The following APC variants were observed in gnomAD, a reference collection of about 807,000 sequenced individuals.
APC encodes the protein APC regulator of Wnt signaling pathway.
APC carries 72 observed loss-of-function variants against 247.0 expected under a neutral mutation model. The observed-to-expected ratio is 0.29, with a 90% CI of 0.24 to 0.35. The LOEUF (loss-of-function observed/expected upper bound fraction) is 0.35. Among genes scored for constraint, APC ranks in the 10% least tolerant of loss-of-function variants. The pLI is 1.00. For synonymous variants in APC, 1,254 were observed against 1,162.5 expected (o/e 1.08, Z -1.60); for missense variants, 3,400 against 3,360.7 (o/e 1.01, Z -0.29).
chr5:112,786,765 C>T (rs1394987732), intron 6 of APC, among the ~76,000 whole-genome samples: 2 of 152,052 alleles, frequency 1.3e-5, no homozygotes, highest in Non-Finnish European at 2.9e-5. Flanking sequence ...AACAAACATG[C>T]AAGAGTTTCT....
chr5:112,790,883 A>G (rs1759504133), intron 6 of APC, among the ~76,000 whole-genome samples: 1 of 152,214 alleles, frequency 6.6e-6, no homozygotes, highest in African/African-American at 2.4e-5. Context: ...ATGTTTGGAA[A>G]TACTCCATCT....
chr5:112,805,684 T>A (rs1219703912), intron 8 of APC, among the ~76,000 whole-genome samples: 3 of 152,178 alleles, frequency 2.0e-5, no homozygotes, highest in Non-Finnish European at 2.9e-5. Flanking sequence ...TCTTGGGGTT[T>A]ATTAGTTTGT....
intron 5 of APC, 66 bp from the exon 6 acceptor site, chr5:112,780,724 T>A: frequency 2.6e-6 from 3 of 1,141,442 alleles, no homozygotes; most frequent in Non-Finnish European, 3.9e-6. Flanking sequence ...TCTTATATGC[T>A]TTTTTGCTTT....
rs1253464661 is a variant in APC at position 112,766,412 on chromosome 5, TA to T, written c.220+3del. On this transcript the variant is annotated splice_donor_region_variant and intron_variant, in intron 3 of 15. Coordinates refer to ENST00000257430, the MANE Select transcript of APC (RefSeq NM_000038.6). ...TTGATTTATTAGAGCGTCTTAAAGG[TA>T]GATTTTAAAAAGGTGTTTTAAAATA... is the stretch of plus-strand genomic sequence containing the variant. 1 of 1,603,200 alleles carries T rather than the reference TA, an allele frequency of 6.2e-7. No homozygotes were observed. Among genetic ancestry groups the T allele is most frequent in the African/African-American group, 1.3e-5 (1 of 74,664 alleles).
intron 7 of APC, among the ~76,000 whole-genome samples, chr5:112,800,454 A>G (rs1272481697): frequency 1.3e-5 from 2 of 152,198 alleles, no homozygotes; most frequent in African/African-American, 4.8e-5. Flanking sequence ...CATTTTTTAA[A>G]TGATCTAGGA....
At chr5:112,836,861 C>T (rs998590643) in intron 15 of APC, among the ~76,000 whole-genome samples, 3 of 151,670 alleles carry the variant, frequency 2.0e-5, no homozygotes, top group Non-Finnish European at 2.9e-5. Context: ...CTACCATGCC[C>T]GGCTAATTTT....
chr5:112,774,310 T>C (rs1162547804), intron 4 of APC, among the ~76,000 whole-genome samples: 1 of 152,106 alleles, frequency 6.6e-6, no homozygotes, highest in Non-Finnish European at 1.5e-5. Flanking sequence ...AGTAACATGA[T>C]GCTCAAAGGA....
At chr5:112,831,821 T>G (rs1053353707) in intron 14 of APC, among the ~76,000 whole-genome samples, 2 of 152,352 alleles carry the variant, frequency 1.3e-5, no homozygotes, top group South Asian at 4.1e-4. Flanking sequence ...TTTCTGTGGC[T>G]TCTATTACAG....
At chr5:112,756,356 C>CTA (rs1754985851) in intron 2 of APC, among the ~76,000 whole-genome samples, 1 of 151,348 alleles carries the variant, frequency 6.6e-6, no homozygotes, top group African/African-American at 2.5e-5. Flanking sequence ...ATAAGGTAGA[C>CTA]TATAAACAAA....
At chr5:112,722,932 G>A (rs925442837) in intron 1 of APC, among the ~76,000 whole-genome samples, 7 of 152,048 alleles carry the variant, frequency 4.6e-5, no homozygotes, top group East Asian at 1.9e-4. Flanking sequence ...CAAAAAGTGC[G>A]TGATCTAAGC....
At chr5:112,735,177 G>GA (rs1288626180), upstream of APC, among the ~76,000 whole-genome samples, 1 of 151,674 alleles carries the variant, frequency 6.6e-6, no homozygotes, top group African/African-American at 2.4e-5. Context: ...ATTTTGATCA[G>GA]AAAAAATATA....
intron 1 of APC, among the ~76,000 whole-genome samples, chr5:112,752,286 G>A (rs1275729835): frequency 2.6e-5 from 4 of 152,150 alleles, no homozygotes; most frequent in African/African-American, 9.6e-5. Flanking sequence ...TAAAAAAGAA[G>A]TGATCTCAAA....
In APC at chr5:112,843,796, A is replaced by C; in HGVS notation, c.8202A>C (p.Lys2734Asn). The C allele has an allele frequency of 1.2e-6, 2 of 1,614,106 alleles. No homozygotes were observed. Among genetic ancestry groups the C allele is most frequent in the Non-Finnish European group, 1.7e-6 (2 of 1,179,954 alleles). ...SFIQVDAPDQ[K>N]GTEIKPGQNN... ...TTCAGGTGGATGCCCCTGACCAAAA[A>C]GGAACTGAGATAAAACCAGGACAAA... The change falls in exon 16 of 16, where the codon AAA (lysine) becomes AAC (asparagine). Residue 2734 changes from lysine (K) to asparagine (N), a missense_variant. Transcript: ENST00000257430. The surrounding 1 kb of genome is among the most constrained non-coding windows in gnomAD (Gnocchi z 4.8).
At position 112,801,338 on chromosome 5, in the gene APC, T is replaced by A. The variant is rs767053295; in HGVS notation, c.789T>A (p.Gly263=). The change falls in exon 8 of 16, where the codon GGT becomes GGA. Residue 263 remains glycine (G), a synonymous_variant. Coordinates refer to ENST00000257430, the MANE Select transcript of APC (RefSeq NM_000038.6). ...GSHDAERQNE[G]QGVGEINMAT... ...ATGATGCTGAGCGGCAGAATGAAGG[T>A]CAAGGAGTGGGAGAAATCAACATGG... 6.8e-5 allele frequency: 110 copies of A among 1,612,830 alleles called. No homozygotes were observed. The highest frequency in any genetic ancestry group is 8.7e-5 in the Non-Finnish European group (103 of 1,179,220).
Position 112,842,104 on chromosome 5 carries a change from A to C in APC, c.6510A>C (p.Pro2170=), listed in dbSNP as rs138571760. 5.6e-5 allele frequency: 90 copies of C among 1,611,150 alleles called. 1 individual carries two copies. In the Middle Eastern group the frequency reaches 1.5e-3, roughly 27 times the overall value. ...TSNKGPRILK[P]GEKSTLETKK... ...ATAAAGGCCCACGAATTCTAAAACC[A>C]GGGGAGAAAAGTACATTGGAAACTA... is the stretch of plus-strand genomic sequence containing the variant. Residue 2170 remains proline (P), a synonymous_variant, in exon 16 of 16, where the codon CCA becomes CCC. Transcript: ENST00000257430.
intron 6 of APC, among the ~76,000 whole-genome samples, chr5:112,784,406 C>A (rs866984211): frequency 1.3e-5 from 2 of 152,160 alleles, no homozygotes; most frequent in African/African-American, 2.4e-5. Flanking sequence ...TAAATTGATA[C>A]ATTTTTGGAG....
chr5:112,842,335 T>C lies in APC; in HGVS notation c.6741T>C (p.Ser2247=), dbSNP rs878853464. The C allele has an allele frequency of 5.0e-6, 8 of 1,613,854 alleles. No homozygotes were observed. The East Asian group carries it at 1.1e-4, about 22-fold the overall frequency. The change falls in exon 16 of 16, where the codon TCT becomes TCC. Residue 2247 remains serine (S), a synonymous_variant. Coordinates refer to ENST00000257430, the MANE Select transcript of APC (RefSeq NM_000038.6). ...RNSSSSTSPV[S]KKGPPLKTPA... is the part of the protein sequence containing the mutation. ...GCTCCTCAAGTACAAGTCCTGTTTC[T>C]AAAAAAGGCCCACCCCTTAAGACTC...
intron 1 of APC, among the ~76,000 whole-genome samples, chr5:112,752,699 A>T: frequency 6.6e-6 from 1 of 152,340 alleles, no homozygotes; most frequent in Non-Finnish European, 1.5e-5. Flanking sequence ...TTATGACTTC[A>T]CAAATTTTGT....
At chr5:112,762,990 A>G (rs1755835778) in intron 2 of APC, among the ~76,000 whole-genome samples, 1 of 152,228 alleles carries the variant, frequency 6.6e-6, no homozygotes, top group African/African-American at 2.4e-5. Flanking sequence ...GATGAGGTTC[A>G]TAACTCAAAG....
Sources: gnomAD v4.1 joint callset for allele counts (sites outside exome capture counted in the v4.1 genomes callset) on GRCh38, gnomAD v4.1.1 for gene constraint, Gnocchi (gnomAD v3.1) non-coding constraint, MANE v1.5 for transcripts, NCBI Gene and HGNC (gene_info 2026-07-23, HGNC 2026-07-21) for gene names.